TMEM108: variants seen among roughly 807,000 people sequenced by gnomAD.
The protein encoded by TMEM108 is transmembrane protein 108.
In TMEM108, 12 loss-of-function variants were observed where a neutral mutation model predicts 35.1. The ratio of observed to expected loss-of-function variants is 0.34; its 90% CI spans 0.22 to 0.55. The LOEUF (loss-of-function observed/expected upper bound fraction) is 0.55, where lower values mean the gene tolerates loss of function less well. Among genes scored for constraint, TMEM108 ranks in the 20% least tolerant of loss-of-function variants. The pLI, the probability that TMEM108 is intolerant of heterozygous loss-of-function variation, is 0.89. For synonymous variants in TMEM108, 287 were observed against 308.6 expected (o/e 0.93, Z 0.73); for missense variants, 680 against 753.3 (o/e 0.90, Z 1.14).
At chr3:133,124,994 A>T (rs771769370) in intron 2 of TMEM108, 1 of 152,212 alleles carries the variant, frequency 6.6e-6, no homozygotes, top group Admixed American at 6.5e-5. Context: ...CAGGAAAATT[A>T]TATGGGGAGC....
At chr3:133,338,014 A>C (rs2071547994) in intron 3 of TMEM108, among the ~76,000 whole-genome samples, 1 of 152,184 alleles carries the variant, frequency 6.6e-6, no homozygotes, top group Non-Finnish European at 1.5e-5. Flanking sequence ...CGGAGGAGGC[A>C]AAAGAAAAAA....
intron 2 of TMEM108, among the ~76,000 whole-genome samples, chr3:133,081,062 T>G (rs1453271918): frequency 6.6e-6 from 1 of 152,244 alleles, no homozygotes; most frequent in Non-Finnish European, 1.5e-5. Context: ...TGTGGATAAT[T>G]ACAGTTTCCT....
intron 3 of TMEM108, among the ~76,000 whole-genome samples, chr3:133,250,705 A>T (rs1441505890): frequency 6.6e-6 from 1 of 152,228 alleles, no homozygotes; most frequent in Non-Finnish European, 1.5e-5. Context: ...ATGAAATGTT[A>T]AACAATTGTG....
intron 2 of TMEM108, among the ~76,000 whole-genome samples, chr3:133,113,279 A>G (rs1435187042): frequency 6.6e-6 from 1 of 152,150 alleles, no homozygotes; most frequent in Non-Finnish European, 1.5e-5. Flanking sequence ...GTCACCTAGT[A>G]TTTCTCATGG....
At chr3:133,363,034 T>C (rs1464751042) in intron 3 of TMEM108, among the ~76,000 whole-genome samples, 1 of 152,200 alleles carries the variant, frequency 6.6e-6, no homozygotes, top group African/African-American at 2.4e-5. Context: ...GGAGATGTGC[T>C]GTAGGCCACC....
intron 1 of TMEM108, among the ~76,000 whole-genome samples, chr3:133,043,126 A>G (rs1349295130): frequency 1.3e-5 from 2 of 152,230 alleles, no homozygotes; most frequent in African/African-American, 2.4e-5. Context: ...TAGAAGAATC[A>G]TTCCTCAATC....
chr3:133,229,195 TG>T, intron 2 of TMEM108, 70 bp from the exon 3 acceptor site: 1 of 996,428 alleles, frequency 1.0e-6, no homozygotes, highest in East Asian at 2.5e-5. Context: ...AAGATCCTAT[TG>T]AGTGGAGTTA....
intron 2 of TMEM108, among the ~76,000 whole-genome samples, chr3:133,193,970 T>G (rs979313316): frequency 6.8e-6 from 1 of 147,058 alleles, no homozygotes; most frequent in Non-Finnish European, 1.5e-5. Flanking sequence ...AGAGCCTCAC[T>G]CTGTCACTCA....
At chr3:133,133,917 C>G (rs1233326584) in intron 2 of TMEM108, among the ~76,000 whole-genome samples, 1 of 151,934 alleles carries the variant, frequency 6.6e-6, no homozygotes, top group African/African-American at 2.4e-5. Flanking sequence ...TCACCTGCCA[C>G]TGCCCCTGGC....
intron 3 of TMEM108, among the ~76,000 whole-genome samples, chr3:133,239,573 T>C (rs1559878602): frequency 6.6e-6 from 1 of 152,182 alleles, no homozygotes; most frequent in East Asian, 1.9e-4. Context: ...TCTTAAACTT[T>C]AGTGCACAAC....
At chr3:133,145,490 A>C (rs1442718284) in intron 2 of TMEM108, among the ~76,000 whole-genome samples, 3 of 152,108 alleles carry the variant, frequency 2.0e-5, no homozygotes, top group Non-Finnish European at 2.9e-5. Flanking sequence ...TTTTTTTTCT[A>C]ATTCTGTGAA....
Position 133,070,911 on chromosome 3 carries a change from A to G in TMEM108, c.-47+24891A>G, listed in dbSNP as rs574244215. On this transcript the variant is annotated intron_variant, in intron 2 of 5. Transcript: ENST00000321871. The stretch of plus-strand genomic sequence containing the variant: ...TTATGTTGCCTTTAAAAAAAATTCA[A>G]CATTTGCTGTCTTCAGGGAACTCCC... Among the ~76,000 whole-genome samples the G allele has an allele frequency of 1.1e-4, 17 of 152,134 alleles. No homozygotes were observed. The South Asian group carries it at 3.3e-3, about 30-fold the overall frequency.
chr3:133,084,105 C>G (rs1033267498), intron 2 of TMEM108, among the ~76,000 whole-genome samples: 18 of 134,966 alleles, frequency 1.3e-4, no homozygotes, highest in African/African-American at 4.5e-4. Context: ...TATTTTCAAC[C>G]ATTCTTTTTC....
intron 2 of TMEM108, 47 bp from the exon 3 acceptor site, chr3:133,229,219 A>G (rs1469770240): frequency 7.8e-7 from 1 of 1,278,910 alleles, no homozygotes; most frequent in African/African-American, 1.5e-5. Context: ...TCTGATTTTT[A>G]AATTATGTTC....
chr3:133,306,189 A>G (rs189018421), intron 3 of TMEM108, among the ~76,000 whole-genome samples: 1 of 152,310 alleles, frequency 6.6e-6, no homozygotes, highest in African/African-American at 2.4e-5. Flanking sequence ...CCCAACACAG[A>G]GTCACAAAGA....
At chr3:133,083,826 T>C (rs1943845997) in intron 2 of TMEM108, among the ~76,000 whole-genome samples, 1 of 152,122 alleles carries the variant, frequency 6.6e-6, no homozygotes, top group East Asian at 1.9e-4. Flanking sequence ...TTCACTTTTA[T>C]TCTATTGTTT....
intron 2 of TMEM108, among the ~76,000 whole-genome samples, chr3:133,117,652 G>A (rs754650420): frequency 6.6e-6 from 1 of 152,156 alleles, no homozygotes; most frequent in African/African-American, 2.4e-5. Flanking sequence ...CTGTTTGTTT[G>A]CTTGTGGCAA....
At chr3:133,393,584 G>A (rs765240515) in intron 5 of TMEM108, among the ~76,000 whole-genome samples, 9 of 152,202 alleles carry the variant, frequency 5.9e-5, no homozygotes, top group East Asian at 1.9e-4. Flanking sequence ...GAGGACAAAC[G>A]AGGGGCCAGC....
intron 2 of TMEM108, among the ~76,000 whole-genome samples, chr3:133,153,205 C>T (rs1944827181): frequency 6.6e-6 from 1 of 152,090 alleles, no homozygotes; most frequent in African/African-American, 2.4e-5. Context: ...TTGGGTCCCT[C>T]ATAAATTGTT....
Sources: allele counts gnomAD v4.1 joint callset (sites outside exome capture counted in the v4.1 genomes callset), GRCh38; gene constraint gnomAD v4.1.1; transcripts MANE v1.5; gene names NCBI Gene and HGNC (gene_info 2026-07-23, HGNC 2026-07-21).